The following DAPK2 variants were observed in gnomAD, a reference collection of about 807,000 sequenced individuals.
DAPK2 encodes death associated protein kinase 2.
DAPK2 carries 35 observed loss-of-function variants against 44.1 expected under a neutral mutation model. That is an observed-to-expected ratio of 0.79 (90% CI 0.61 to 1.05). The LOEUF is 1.05. Among genes scored for constraint, DAPK2 ranks in the 50% least tolerant of loss-of-function variants. DAPK2 has a pLI of 0.00. For synonymous variants in DAPK2, 174 were observed against 182.6 expected (o/e 0.95, Z 0.38); for missense variants, 453 against 483.2 (o/e 0.94, Z 0.59).
intron 1 of DAPK2, among the ~76,000 whole-genome samples, chr15:64,001,124 G>T (rs1224423136): frequency 2.0e-5 from 3 of 151,308 alleles, no homozygotes; most frequent in East Asian, 1.9e-4. Flanking sequence ...AGGTGATCCT[G>T]CCTCAGCCTC....
chr15:63,984,161 G>A (rs1165285334), intron 1 of DAPK2, among the ~76,000 whole-genome samples: 1 of 152,122 alleles, frequency 6.6e-6, no homozygotes, highest in Non-Finnish European at 1.5e-5. Flanking sequence ...TTGGAGAGGA[G>A]GCAGCCTAAC....
chr15:64,033,058 C>A (rs1722791014), intron 1 of DAPK2, among the ~76,000 whole-genome samples: 2 of 151,972 alleles, frequency 1.3e-5, no homozygotes, highest in Non-Finnish European at 2.9e-5. Flanking sequence ...TGCACTCCAG[C>A]CTGGGTGACA....
chr15:64,008,936 G>A (rs2141010012), intron 1 of DAPK2, among the ~76,000 whole-genome samples: 1 of 152,264 alleles, frequency 6.6e-6, no homozygotes, highest in Admixed American at 6.5e-5. Context: ...GGAGGAAAGG[G>A]TAGGATCCCC....
At position 64,030,056 on chromosome 15, in the gene DAPK2, G is replaced by A. The variant is rs145289249; in HGVS notation, c.92+10114C>T. 6.3e-3 allele frequency: 964 copies of A among 152,516 alleles called. 5 individuals carry two copies. The highest frequency in any genetic ancestry group is 0.01 in the Non-Finnish European group (695 of 68,208). 9.4% of individuals were successfully genotyped at this position (152,516 alleles called of 1,614,324 possible). A position where few individuals can be genotyped will look rare whatever the true frequency, so the allele number is the denominator to read the frequency against. ...TGCAATCCCAGCACTTTGGGAGGCC[G>A]AGGAGGGCAGATCACATGAGGTCAG... On this transcript the variant is annotated intron_variant, in intron 1 of 10. Transcript: ENST00000261891.
rs138200804 is a variant in DAPK2, at chr15:63,993,664, G to A, written c.93-9910C>T. On this transcript the variant is annotated intron_variant, in intron 1 of 10. Transcript: ENST00000261891. ...CCCAGACATGCAGGGCTGTGAATGG[G>A]GAAGACTACATATCACGGGCAAAGT... Among the ~76,000 whole-genome samples, 657 of 152,088 alleles carry A rather than the reference G, an allele frequency of 4.3e-3. 4 individuals are homozygous for A. Among genetic ancestry groups the A allele is most frequent in the African/African-American group, 0.015 (604 of 41,480 alleles).
At chr15:63,927,973 T>C (rs1284515450) in intron 6 of DAPK2, among the ~76,000 whole-genome samples, 2 of 152,160 alleles carry the variant, frequency 1.3e-5, no homozygotes, top group African/African-American at 4.8e-5. Context: ...GGTCTTGAAC[T>C]CCTGGACTTA....
intron 4 of DAPK2, among the ~76,000 whole-genome samples, chr15:63,932,231 C>T (rs2076980910): frequency 6.7e-6 from 1 of 150,304 alleles, no homozygotes; most frequent in South Asian, 2.1e-4. Context: ...TTTGGGAGGC[C>T]AAGGTGGGCA....
chr15:63,970,378 C>G (rs1197448962), intron 3 of DAPK2, among the ~76,000 whole-genome samples: 1 of 152,132 alleles, frequency 6.6e-6, no homozygotes, highest in African/African-American at 2.4e-5. Flanking sequence ...AGGCCCTTCT[C>G]TTCTTCTATT....
intron 8 of DAPK2, among the ~76,000 whole-genome samples, chr15:63,913,051 C>G (rs1460896788): frequency 6.6e-6 from 1 of 152,014 alleles, no homozygotes; most frequent in Non-Finnish European, 1.5e-5. Context: ...ATACATTTTA[C>G]AACACGGATG....
chr15:63,939,809 T>C lies in DAPK2; in HGVS notation c.454-448A>G, dbSNP rs1020175487. 2.0e-5 allele frequency among the ~76,000 whole-genome samples: 3 copies of C among 152,222 alleles called. No individual in the cohort carries two copies. The highest frequency in any genetic ancestry group is 7.2e-5 in the African/African-American group (3 of 41,458). The stretch of plus-strand genomic sequence containing the variant: ...TCTGTTTATACTTGGCTTACTGACC[T>C]TGGTCTTCCTGACCGCCTCTTTCCC... On this transcript the variant is annotated intron_variant, in intron 3 of 10. Coordinates refer to ENST00000261891, the Ensembl canonical transcript of DAPK2. The surrounding 1 kb of genome is among the most constrained non-coding windows in gnomAD (Gnocchi z 4.3).
intron 1 of DAPK2, among the ~76,000 whole-genome samples, chr15:63,984,030 C>T: frequency 6.6e-6 from 1 of 152,176 alleles, no homozygotes; most frequent in Middle Eastern, 3.2e-3. Flanking sequence ...GGTTATTGAT[C>T]AGGATGACAT....
intron 4 of DAPK2, among the ~76,000 whole-genome samples, chr15:63,936,755 G>A (rs1032242820): frequency 2.6e-5 from 4 of 152,124 alleles, no homozygotes; most frequent in Non-Finnish European, 4.4e-5. Context: ...TGAGGTGGGA[G>A]GATCACTTGA....
In DAPK2 at chr15:63,944,224, G is replaced by A. The variant is rs547441437; in HGVS notation, c.454-4863C>T. On this transcript the variant is annotated intron_variant, in intron 3 of 10. Coordinates refer to ENST00000261891, the Ensembl canonical transcript of DAPK2. ...GGCAGTAGGAATGCTCTGTTGGGTC[G>A]TCAGGACCCAGGTTCTCGTCCCTAC... Among the ~76,000 whole-genome samples, 69 of 152,266 alleles carry A rather than the reference G, an allele frequency of 4.5e-4. 1 individual carries two copies. The highest frequency in any genetic ancestry group is 3.0e-3 in the Admixed American group (46 of 15,288).
chr15:63,941,608 G>T (rs1309510738), intron 3 of DAPK2, among the ~76,000 whole-genome samples: 2 of 152,050 alleles, frequency 1.3e-5, no homozygotes, highest in Non-Finnish European at 2.9e-5. Flanking sequence ...GCTGACTGAG[G>T]CCTTCCTTGG....
At chr15:64,034,363 A>G (rs2080115512) in intron 1 of DAPK2, among the ~76,000 whole-genome samples, 1 of 152,150 alleles carries the variant, frequency 6.6e-6, no homozygotes, top group Non-Finnish European at 1.5e-5. Flanking sequence ...CCCTGCCCCC[A>G]TCAACATGGC....
intron 8 of DAPK2, among the ~76,000 whole-genome samples, chr15:63,914,669 G>C (rs139385563): frequency 1.2e-3 from 179 of 152,198 alleles, no homozygotes; most frequent in African/African-American, 3.9e-3. Flanking sequence ...CCTCCACCCT[G>C]ATTTTCTACC....
chr15:63,991,874 A>G (rs1305158573), intron 1 of DAPK2, among the ~76,000 whole-genome samples: 3 of 152,178 alleles, frequency 2.0e-5, no homozygotes, highest in African/African-American at 7.2e-5. Context: ...GTCTCCAGGG[A>G]ACTGACTCCT....
chr15:63,947,315 C>T (rs1023808851), intron 3 of DAPK2, among the ~76,000 whole-genome samples: 3 of 140,484 alleles, frequency 2.1e-5, no homozygotes, highest in African/African-American at 7.4e-5. Context: ...CCTTACATGT[C>T]CTGTCCCCAC....
chr15:64,006,181 G>A (rs149198833), intron 1 of DAPK2, among the ~76,000 whole-genome samples: 108 of 152,062 alleles, frequency 7.1e-4, no homozygotes, highest in African/African-American at 2.1e-3. Context: ...AGTGGTCTCC[G>A]CTCACCACAC....
Sources: gnomAD v4.1 joint callset for allele counts (sites outside exome capture counted in the v4.1 genomes callset) on GRCh38, gnomAD v4.1.1 for gene constraint, Gnocchi (gnomAD v3.1) non-coding constraint, MANE v1.5 for transcripts, NCBI Gene and HGNC (gene_info 2026-07-23, HGNC 2026-07-21) for gene names.